SLC25A46: variants seen among roughly 807,000 people sequenced by gnomAD.
The protein encoded by SLC25A46 is mitochondrial outer membrane protein SLC25A46.
SLC25A46 carries 39 observed loss-of-function variants against 44.6 expected under a neutral mutation model. That is an observed-to-expected ratio of 0.87 (90% CI 0.68 to 1.14). The LOEUF is 1.14. Ranked by LOEUF, SLC25A46 falls within the 50% of genes most tolerant of loss-of-function variation. The pLI, the probability that SLC25A46 is intolerant of heterozygous loss-of-function variation, is 0.00. For missense variants in SLC25A46, 547 were observed against 522.7 expected (o/e 1.05, Z -0.45); for synonymous variants, 202 against 185.8 (o/e 1.09, Z -0.71).
At position 110,761,819 on chromosome 5, in the gene SLC25A46, A is replaced by C. The variant is rs775915335; in HGVS notation, c.*37A>C. On this transcript the variant is annotated 3_prime_UTR_variant, in exon 8 of 8. Coordinates refer to ENST00000355943, the MANE Select transcript of SLC25A46 (RefSeq NM_138773.4). This position sits in a 1 kb window ranked among gnomAD's most constrained non-coding sequence, Gnocchi z 5.3. ...CTTCACTGAGTAGTCTGGAAGATATAATCTGGATAATTTGCTATGAAGTTA... is the reference window on the plus strand; with the variant it reads ...CTTCACTGAGTAGTCTGGAAGATATCATCTGGATAATTTGCTATGAAGTTA... 4.7e-6 allele frequency: 7 copies of C among 1,497,248 alleles called. No homozygotes were observed. Among genetic ancestry groups the C allele is most frequent in the Non-Finnish European group, 5.4e-6 (6 of 1,108,028 alleles). The allele number at this position is 1,497,248 out of a possible 1,614,324, so 92.7% of individuals were successfully genotyped here.
Position 110,739,251 on chromosome 5 carries a change from G to A in SLC25A46, c.132G>A (p.Thr44=), listed in dbSNP as rs1209308127. ...GGTCGGACCTGGGCCACTGGGTGAC[G>A]ACTCCCCCAGATATCCCCGGCAGCC... ...STGSDLGHWV[T]TPPDIPGSRN... The change falls in exon 1 of 8, where the codon ACG becomes ACA. Residue 44 remains threonine, a synonymous_variant. Coordinates refer to ENST00000355943, the MANE Select transcript of SLC25A46 (RefSeq NM_138773.4). The A allele has an allele frequency of 6.3e-7, 1 of 1,583,388 alleles. No individual in the cohort carries two copies.
At chr5:110,744,486 C>A (rs971837392) in intron 3 of SLC25A46, among the ~76,000 whole-genome samples, 9 of 152,082 alleles carry the variant, frequency 5.9e-5, no homozygotes, top group Admixed American at 2.6e-4. Flanking sequence ...AAAATATTGA[C>A]CAATTGAGTT....
In SLC25A46 at chr5:110,748,165, A is replaced by C. The variant is rs757691972; in HGVS notation, c.465A>C (p.Gly155=). Residue 155 remains glycine (G), a splice_region_variant and synonymous_variant, in exon 5 of 8, where the codon GGA becomes GGC. Transcript: ENST00000355943. ...NIMYSFNKTQ[G]PRALWKGMGS... is the part of the protein sequence containing the mutation. Reference sequence around the variant, plus strand: ...AACATGAATTTTGTTCAATTTAGGGACCTAGAGCCCTGTGGAAAGGAATGG... The same window carrying C: ...AACATGAATTTTGTTCAATTTAGGGCCCTAGAGCCCTGTGGAAAGGAATGG... 2 of 1,611,890 alleles carry C rather than the reference A, an allele frequency of 1.2e-6. No individual in the cohort carries two copies. The highest frequency in any genetic ancestry group is 2.2e-5 in the South Asian group (2 of 90,970).
rs559623584 is a variant in SLC25A46, at chr5:110,762,137, G to A, written c.*355G>A. 22 of 204,452 alleles carry A rather than the reference G, an allele frequency of 1.1e-4. No individual in the cohort carries two copies. The highest frequency in any genetic ancestry group is 5.8e-4 in the South Asian group (7 of 12,012). The allele number at this position is 204,452 out of a possible 1,614,324, so 12.7% of individuals were successfully genotyped here. A position where few individuals can be genotyped will look rare whatever the true frequency, so the allele number is the denominator to read the frequency against. ...CATCTGACTTCAATATTTGCCAAAC[G>A]TTTATTTTACCTCCTAGATTGATGT... On this transcript the variant is annotated 3_prime_UTR_variant, in exon 8 of 8. Coordinates refer to ENST00000355943, the MANE Select transcript of SLC25A46 (RefSeq NM_138773.4).
At chr5:110,759,193 C>T (rs114114333) in intron 7 of SLC25A46, among the ~76,000 whole-genome samples, 2,088 of 151,890 alleles carry the variant, frequency 0.014, 44 homozygotes, top group African/African-American at 0.047. Flanking sequence ...TATTTCATGG[C>T]GATTAACTGC....
intron 7 of SLC25A46, among the ~76,000 whole-genome samples, chr5:110,758,659 G>C (rs769447402): frequency 1.3e-5 from 2 of 152,098 alleles, no homozygotes; most frequent in East Asian, 1.9e-4. Context: ...GTGGGCGCCT[G>C]TTGTCCCAGC....
chr5:110,753,657 A>G (rs1561605598), intron 5 of SLC25A46: 1 of 152,088 alleles, frequency 6.6e-6, no homozygotes, highest in Non-Finnish European at 1.5e-5. Context: ...TACCCATTTT[A>G]TAAAGTAGTA....
At chr5:110,754,003 G>T (rs893094843) in intron 5 of SLC25A46, 2 of 150,914 alleles carry the variant, frequency 1.3e-5, no homozygotes, top group Non-Finnish European at 2.9e-5. Context: ...TATATTTTTC[G>T]ACTTAATCAT....
At chr5:110,742,123 A>G in intron 2 of SLC25A46, 34 bp downstream of exon 2, 2 of 1,404,446 alleles carry the variant, frequency 1.4e-6, no homozygotes, top group Non-Finnish European at 9.7e-7. Context: ...TACAGCTTTT[A>G]TTTATTGAAT....
Position 110,761,982 on chromosome 5 carries a change from A to T in SLC25A46, c.*200A>T. ...GGATCAAAATCCTTCCAAATTTGAA[A>T]ACTCAATAAAAATAACACTTATTAA... is the stretch of plus-strand genomic sequence containing the variant. On this transcript the variant is annotated 3_prime_UTR_variant, in exon 8 of 8. Transcript: ENST00000355943. This position sits in a 1 kb window ranked among gnomAD's most constrained non-coding sequence, Gnocchi z 5.3. 2.0e-6 allele frequency: 1 copy of T among 500,182 alleles called. No homozygotes were observed. The allele number at this position is 500,182 out of a possible 1,614,324, so 31.0% of individuals were successfully genotyped here. A position where few individuals can be genotyped will look rare whatever the true frequency, so the allele number is the denominator to read the frequency against.
In SLC25A46 at chr5:110,755,459, T is replaced by A; in HGVS notation, c.564-6T>A. The A allele has an allele frequency of 6.5e-7, 1 of 1,528,526 alleles. No individual in the cohort carries two copies. The highest frequency in any genetic ancestry group is 8.9e-7 in the Non-Finnish European group (1 of 1,119,076). The allele number at this position is 1,528,526 out of a possible 1,614,324, so 94.7% of individuals were successfully genotyped here. A position where few individuals can be genotyped will look rare whatever the true frequency, so the allele number is the denominator to read the frequency against. ...TGTTTTATTTAAGTTTATTTTTATG[T>A]TTTAGGGAGGTTTTACATAAATGGA... is the stretch of plus-strand genomic sequence containing the variant. On this transcript the variant is annotated splice_polypyrimidine_tract_variant and splice_region_variant and intron_variant, in intron 5 of 7. Transcript: ENST00000355943.
At chr5:110,758,828 C>A (rs929048025) in intron 7 of SLC25A46, among the ~76,000 whole-genome samples, 1 of 151,868 alleles carries the variant, frequency 6.6e-6, no homozygotes, top group Non-Finnish European at 1.5e-5. Context: ...GTACTAGTCT[C>A]CACATTTTAA....
rs540656505 is a variant in SLC25A46, at chr5:110,759,169, CTAAA to C, written c.679-2030_679-2027del. ...TTATGGGGAAAGTAGACATAAACAACTAAATAAAAGGTATATTTCATGGCGATTA... is the reference window on the plus strand; with the variant it reads ...TTATGGGGAAAGTAGACATAAACAACTAAAAGGTATATTTCATGGCGATTA... On this transcript the variant is annotated intron_variant, in intron 7 of 7. Coordinates refer to ENST00000355943, the MANE Select transcript of SLC25A46 (RefSeq NM_138773.4). 3.3e-3 allele frequency among the ~76,000 whole-genome samples: 503 copies of C among 152,050 alleles called. 4 individuals are homozygous for C. The highest frequency in any genetic ancestry group is 0.012 in the African/African-American group (479 of 41,468).
At chr5:110,755,351 C>T in intron 5 of SLC25A46, 114 bp from the exon 6 acceptor site, 2 of 648,908 alleles carry the variant, frequency 3.1e-6, no homozygotes, top group Admixed American at 3.1e-5. Context: ...GAATATATTT[C>T]TCCTACAGAT....
At chr5:110,739,540 C>CT in intron 1 of SLC25A46, 138 bp downstream of exon 1, 1 of 1,201,576 alleles carries the variant, frequency 8.3e-7, no homozygotes. Context: ...CTTTGCCCTC[C>CT]TTTGGTCCTC....
intron 7 of SLC25A46, among the ~76,000 whole-genome samples, chr5:110,760,021 TTG>T (rs1160777103): frequency 6.6e-6 from 1 of 152,162 alleles, no homozygotes; most frequent in Non-Finnish European, 1.5e-5. Context: ...TGTAGGTCCA[TTG>T]TGTACCTTTT....
In SLC25A46 at chr5:110,761,271, G is replaced by T. The variant is rs200725073; in HGVS notation, c.746G>T (p.Gly249Val). The T allele has an allele frequency of 6.2e-7, 1 of 1,613,622 alleles. No individual in the cohort carries two copies. The highest frequency in any genetic ancestry group is 1.1e-5 in the South Asian group (1 of 91,060). ...CVKEGIGRVI[G>V]MGVPHSKRLL... ...AAAGAAGGAATTGGAAGAGTGATAGGCATGGGAGTGCCTCATAGCAAACGA... is the reference window on the plus strand; with the variant it reads ...AAAGAAGGAATTGGAAGAGTGATAGTCATGGGAGTGCCTCATAGCAAACGA... The change falls in exon 8 of 8, where the codon GGC becomes GTC. Residue 249 changes from glycine (G) to valine (V), a missense_variant. Gly to Val is a moderately radical substitution (Grantham distance 109). Coordinates refer to ENST00000355943, the MANE Select transcript of SLC25A46 (RefSeq NM_138773.4). The surrounding 1 kb of genome is among the most constrained non-coding windows in gnomAD (Gnocchi z 5.3).
chr5:110,764,240 T>C lies in SLC25A46; in HGVS notation c.*2458T>C, dbSNP rs1489374412. On this transcript the variant is annotated 3_prime_UTR_variant, in exon 8 of 8. Coordinates refer to ENST00000355943, the MANE Select transcript of SLC25A46 (RefSeq NM_138773.4). ...GTTTCTTAATTTGAGTCAAGTACAC[T>C]GAAAGCAATTAAAAACTGGTAAATA... 1.3e-5 allele frequency: 2 copies of C among 151,818 alleles called. No individual in the cohort carries two copies. The highest frequency in any genetic ancestry group is 4.8e-5 in the African/African-American group (2 of 41,386). 9.4% of individuals were successfully genotyped at this position (151,818 alleles called of 1,614,324 possible).
In SLC25A46 at chr5:110,761,948, A is replaced by G. The variant is rs575616039; in HGVS notation, c.*166A>G. 67 of 582,360 alleles carry G rather than the reference A, an allele frequency of 1.2e-4. 1 individual carries two copies. The highest frequency in any genetic ancestry group is 4.7e-4 in the Middle Eastern group (1 of 2,128). 36.1% of individuals were successfully genotyped at this position (582,360 alleles called of 1,614,324 possible). On this transcript the variant is annotated 3_prime_UTR_variant, in exon 8 of 8. Transcript: ENST00000355943. This position sits in a 1 kb window ranked among gnomAD's most constrained non-coding sequence, Gnocchi z 5.3. The stretch of plus-strand genomic sequence containing the variant: ...TGACTTTGTTTTTTAAGGCATAGGT[A>G]TATATTTTGGATCAAAATCCTTCCA...
Sources: gnomAD v4.1 joint callset for allele counts (sites outside exome capture counted in the v4.1 genomes callset) on GRCh38, gnomAD v4.1.1 for gene constraint, Gnocchi (gnomAD v3.1) non-coding constraint, MANE v1.5 for transcripts, NCBI Gene and HGNC (gene_info 2026-07-23, HGNC 2026-07-21) for gene names.